SLX4IP: variants seen among roughly 807,000 people sequenced by gnomAD.
SLX4IP encodes the protein SLX4 interacting protein, also known as protein SLX4IP.
In SLX4IP, 34 loss-of-function variants were observed where a neutral mutation model predicts 32.9. The ratio of observed to expected loss-of-function variants is 1.03; its 90% CI spans 0.79 to 1.38. SLX4IP has a LOEUF of 1.38. SLX4IP is among the 40% of genes most tolerant of loss of function. The pLI is 0.00. For synonymous variants in SLX4IP, 172 were observed against 171.7 expected, an observed-to-expected ratio of 1.00 and a Z score of -0.01; for missense variants, 444 against 479.0, an observed-to-expected ratio of 0.93 and a Z score of 0.68.
intron 2 of SLX4IP, among the ~76,000 whole-genome samples, chr20:10,503,255 G>A (rs73262016): frequency 0.019 from 2,919 of 152,226 alleles, 85 homozygotes; most frequent in African/African-American, 0.065. Context: ...CCTGCTGTCC[G>A]CCAGAGGTCT....
chr20:10,483,237 A>G (rs752449947), intron 2 of SLX4IP, among the ~76,000 whole-genome samples: 7 of 152,186 alleles, frequency 4.6e-5, no homozygotes, highest in Non-Finnish European at 8.8e-5. Context: ...CTCGTGCCTC[A>G]GCCTCATGAG....
At chr20:10,589,053 A>G (rs2066677182) in intron 4 of SLX4IP, among the ~76,000 whole-genome samples, 1 of 152,216 alleles carries the variant, frequency 6.6e-6, no homozygotes, top group Non-Finnish European at 1.5e-5. Context: ...CCTTAAATGT[A>G]TACAACTTTT....
At chr20:10,599,839 C>G (rs1047020797) in intron 5 of SLX4IP, among the ~76,000 whole-genome samples, 1 of 152,170 alleles carries the variant, frequency 6.6e-6, no homozygotes, top group South Asian at 2.1e-4. Context: ...TAGTACAACT[C>G]TCAATAATGA....
chr20:10,537,487 T>A (rs1272397365), intron 2 of SLX4IP, among the ~76,000 whole-genome samples: 5 of 152,258 alleles, frequency 3.3e-5, no homozygotes, highest in Non-Finnish European at 7.3e-5. Context: ...AAATTTAGAT[T>A]CTTAAGTAAT....
At chr20:10,491,321 C>G (rs1398274709) in intron 2 of SLX4IP, among the ~76,000 whole-genome samples, 2 of 152,136 alleles carry the variant, frequency 1.3e-5, no homozygotes, top group Non-Finnish European at 1.5e-5. Context: ...ATTTCTCCCT[C>G]AACTCCCCTG....
chr20:10,619,777 G>C (rs532522916), intron 6 of SLX4IP, among the ~76,000 whole-genome samples: 1 of 152,268 alleles, frequency 6.6e-6, no homozygotes, highest in South Asian at 2.1e-4. Context: ...CATAAATCTC[G>C]ATTCCTCTCG....
chr20:10,580,766 A>T (rs1049103846), intron 4 of SLX4IP, among the ~76,000 whole-genome samples: 3 of 152,100 alleles, frequency 2.0e-5, no homozygotes, highest in African/African-American at 7.2e-5. Context: ...AAAAAAGCAT[A>T]ACCATTTCCT....
rs571248487 is a variant in SLX4IP, at chr20:10,501,105, G to A, written c.27+42874G>A. On this transcript the variant is annotated intron_variant, in intron 2 of 7. Transcript: ENST00000334534. ...GGAATTACACCTGAAAATAAATCGC[G>A]AAAGTTCCCATATGAAGCACAAGTT... 2.0e-5 allele frequency among the ~76,000 whole-genome samples: 3 copies of A among 152,220 alleles called. No individual in the cohort carries two copies. The South Asian group carries it at 6.2e-4, about 32-fold the overall frequency.
chr20:10,524,224 T>TA (rs1296879223), intron 2 of SLX4IP, among the ~76,000 whole-genome samples: 1 of 152,186 alleles, frequency 6.6e-6, no homozygotes, highest in Non-Finnish European at 1.5e-5. Context: ...ATTACACAGT[T>TA]ACAGGGATGG....
At chr20:10,497,632 T>A (rs760694312) in intron 2 of SLX4IP, among the ~76,000 whole-genome samples, 2 of 152,292 alleles carry the variant, frequency 1.3e-5, no homozygotes, top group Middle Eastern at 3.4e-3. Context: ...TTATAATTTC[T>A]TACTCATTTT....
In SLX4IP at chr20:10,553,637, T is replaced by A. The variant is rs115577748; in HGVS notation, c.28-2594T>A. On this transcript the variant is annotated intron_variant, in intron 2 of 7. Transcript: ENST00000334534. ...AGTATACTTGAGTGGTTTTCAAACATTTTTTATTACAACCCACAATAAGAA... is the reference window on the plus strand; with the variant it reads ...AGTATACTTGAGTGGTTTTCAAACAATTTTTATTACAACCCACAATAAGAA... 5.8e-3 allele frequency among the ~76,000 whole-genome samples: 882 copies of A among 152,334 alleles called. 7 individuals carry two copies. Among genetic ancestry groups the A allele is most frequent in the African/African-American group, 0.02 (836 of 41,582 alleles).
intron 2 of SLX4IP, among the ~76,000 whole-genome samples, chr20:10,494,703 C>G (rs2065652292): frequency 6.6e-6 from 1 of 152,032 alleles, no homozygotes; most frequent in African/African-American, 2.4e-5. Flanking sequence ...TACCCTCTTG[C>G]TTTTTCCCTT....
intron 2 of SLX4IP, among the ~76,000 whole-genome samples, chr20:10,474,984 C>T (rs931796649): frequency 2.0e-5 from 3 of 152,210 alleles, no homozygotes; most frequent in African/African-American, 7.2e-5. Context: ...AGTAACACTC[C>T]TTATCCTCTG....
At chr20:10,517,933 C>A (rs1426603718) in intron 2 of SLX4IP, among the ~76,000 whole-genome samples, 1 of 151,998 alleles carries the variant, frequency 6.6e-6, no homozygotes, top group Admixed American at 6.6e-5. Flanking sequence ...TTTATTTCTC[C>A]CAAAAAGCAA....
chr20:10,551,579 C>T (rs2066218576), intron 2 of SLX4IP, among the ~76,000 whole-genome samples: 2 of 152,126 alleles, frequency 1.3e-5, no homozygotes, highest in Admixed American at 1.3e-4. Flanking sequence ...AGGTATAGAC[C>T]TGTCTCCATG....
intron 2 of SLX4IP, among the ~76,000 whole-genome samples, chr20:10,468,360 A>T (rs2065397851): frequency 6.6e-6 from 1 of 152,166 alleles, no homozygotes; most frequent in Non-Finnish European, 1.5e-5. Flanking sequence ...GTGCCAGGGT[A>T]ATGTTTTCTT....
At chr20:10,581,993 G>T (rs2066592354) in intron 4 of SLX4IP, among the ~76,000 whole-genome samples, 1 of 152,224 alleles carries the variant, frequency 6.6e-6, no homozygotes, top group Admixed American at 6.5e-5. Flanking sequence ...CTGAAGGACA[G>T]TGATGAAAAG....
intron 2 of SLX4IP, among the ~76,000 whole-genome samples, chr20:10,541,038 A>G (rs536840855): frequency 1.3e-5 from 2 of 152,368 alleles, no homozygotes; most frequent in South Asian, 2.1e-4. Flanking sequence ...CATTCTCAGC[A>G]AAACTAAGGG....
chr20:10,448,146 G>A (rs944238824), intron 1 of SLX4IP, among the ~76,000 whole-genome samples: 1 of 152,092 alleles, frequency 6.6e-6, no homozygotes, highest in African/African-American at 2.4e-5. Flanking sequence ...TTGCTTCTAT[G>A]TTCACTCATA....
Sources: gnomAD v4.1 joint callset for allele counts (sites outside exome capture counted in the v4.1 genomes callset) on GRCh38, gnomAD v4.1.1 for gene constraint, MANE v1.5 for transcripts, NCBI Gene and HGNC (gene_info 2026-07-23, HGNC 2026-07-21) for gene names.